Variants in ADAM10 observed in about 807,000 individuals in gnomAD.
ADAM10 encodes the protein ADAM metallopeptidase domain 10, also known as disintegrin and metalloproteinase domain-containing protein 10.
A neutral mutation model predicts 90.1 loss-of-function variants in ADAM10; 17 were observed. That is an observed-to-expected ratio of 0.19 (90% CI 0.13 to 0.28). ADAM10 has a LOEUF of 0.28. Among genes scored for constraint, ADAM10 ranks in the 10% least tolerant of loss-of-function variants. ADAM10 has a pLI of 1.00. For missense variants in ADAM10, 610 were observed against 914.3 expected (o/e 0.67, Z 4.29); for synonymous variants, 310 against 298.6 (o/e 1.04, Z -0.40).
chr15:58,645,351 T>C (rs1425486424), intron 6 of ADAM10, among the ~76,000 whole-genome samples: 3 of 152,200 alleles, frequency 2.0e-5, no homozygotes, highest in Non-Finnish European at 2.9e-5. Context: ...ATTCACCATA[T>C]ACAGATAGCT....
At chr15:58,689,084 C>T (rs1325908179) in intron 2 of ADAM10, among the ~76,000 whole-genome samples, 1 of 151,890 alleles carries the variant, frequency 6.6e-6, no homozygotes, top group Non-Finnish European at 1.5e-5. Flanking sequence ...AAGAAAAACC[C>T]ACAAAACACA....
At chr15:58,627,025 A>G (rs1390942026) in intron 10 of ADAM10, among the ~76,000 whole-genome samples, 1 of 152,200 alleles carries the variant, frequency 6.6e-6, no homozygotes, top group Non-Finnish European at 1.5e-5. Context: ...CTTTATTCAC[A>G]TTAGCCCAAA....
chr15:58,614,722 C>T (rs1304099745), intron 11 of ADAM10, among the ~76,000 whole-genome samples: 1 of 152,106 alleles, frequency 6.6e-6, no homozygotes, highest in African/African-American at 2.4e-5. Flanking sequence ...CTAGACTGAC[C>T]CTACAAGAAA....
intron 5 of ADAM10, among the ~76,000 whole-genome samples, chr15:58,659,019 A>C (rs1213880961): frequency 1.3e-5 from 2 of 152,184 alleles, no homozygotes; most frequent in Non-Finnish European, 2.9e-5. Flanking sequence ...TCACACCTGT[A>C]ATCTCGGCAC....
intron 11 of ADAM10, among the ~76,000 whole-genome samples, chr15:58,615,999 C>A (rs535255645): frequency 2.0e-5 from 3 of 152,036 alleles, no homozygotes; most frequent in East Asian, 1.9e-4. Context: ...CAGAGCAAGA[C>A]CCTGTCTCCA....
chr15:58,736,435 A>G (rs768514234), intron 1 of ADAM10, among the ~76,000 whole-genome samples: 3 of 151,842 alleles, frequency 2.0e-5, no homozygotes, highest in Non-Finnish European at 4.4e-5. Flanking sequence ...TACAAAGCAT[A>G]TACTACAGTC....
intron 14 of ADAM10, among the ~76,000 whole-genome samples, chr15:58,606,116 C>T (rs1895266144): frequency 6.6e-6 from 1 of 152,200 alleles, no homozygotes; most frequent in African/African-American, 2.4e-5. Flanking sequence ...CAAATGCATT[C>T]TGGACTTCCC....
chr15:58,712,323 GA>G (rs1898500769), intron 2 of ADAM10, among the ~76,000 whole-genome samples: 1 of 151,072 alleles, frequency 6.6e-6, no homozygotes, highest in South Asian at 2.1e-4. Flanking sequence ...GAGGCCAAGG[GA>G]ACCTGGGCAA....
intron 5 of ADAM10, among the ~76,000 whole-genome samples, chr15:58,647,248 A>ATATTTTTTTTTTTTTTTTTTT (rs1896571611): frequency 1.7e-5 from 1 of 59,602 alleles, no homozygotes; most frequent in Non-Finnish European, 3.6e-5. Flanking sequence ...GACACTAAGT[A>ATATTTTTTTTTTTTTTTTTTT]TTTTTTTTTT....
intron 8 of ADAM10, among the ~76,000 whole-genome samples, chr15:58,635,423 C>T (rs2078489125): frequency 6.6e-6 from 1 of 151,852 alleles, no homozygotes. Context: ...TAGCTGGAGT[C>T]ACATGCAAAT....
chr15:58,600,543 A>C (rs1331394065), intron 14 of ADAM10, among the ~76,000 whole-genome samples: 1 of 152,158 alleles, frequency 6.6e-6, no homozygotes, highest in Non-Finnish European at 1.5e-5. Flanking sequence ...CTTTTTAAAT[A>C]TGAAAAGTGG....
At chr15:58,610,680 T>C in intron 13 of ADAM10, 163 bp from the exon 14 acceptor site, 1 of 732,906 alleles carries the variant, frequency 1.4e-6, no homozygotes, top group Non-Finnish European at 2.4e-6. Flanking sequence ...CCATCAGTAA[T>C]TCATATTAAA....
At chr15:58,645,911 T>C (rs941575917) in intron 6 of ADAM10, 144 bp downstream of exon 6, 5 of 823,336 alleles carry the variant, frequency 6.1e-6, no homozygotes, top group Non-Finnish European at 9.6e-6. Flanking sequence ...ATCCATGTAC[T>C]TATCTTACAC....
chr15:58,746,969 A>G (rs1272444499), intron 1 of ADAM10, among the ~76,000 whole-genome samples: 1 of 152,220 alleles, frequency 6.6e-6, no homozygotes, highest in African/African-American at 2.4e-5. Flanking sequence ...GCTCTGGTCA[A>G]GTTTCCAGAA....
chr15:58,627,536 G>A (rs572477375), intron 10 of ADAM10, among the ~76,000 whole-genome samples, 164 bp downstream of exon 10: 60 of 152,230 alleles, frequency 3.9e-4, no homozygotes, highest in African/African-American at 1.4e-3. Context: ...AACATGAATT[G>A]AGAGATGGCA....
chr15:58,670,301 A>G (rs1897165305), intron 4 of ADAM10, among the ~76,000 whole-genome samples: 1 of 152,140 alleles, frequency 6.6e-6, no homozygotes, highest in African/African-American at 2.4e-5. Context: ...TTATAGGTGT[A>G]AGAGTATAAA....
intron 14 of ADAM10, among the ~76,000 whole-genome samples, chr15:58,600,110 T>C (rs1895068504): frequency 7.3e-6 from 1 of 137,348 alleles, no homozygotes; most frequent in South Asian, 2.3e-4. Context: ...GCCTTTGTTT[T>C]TTCCCCTTAC....
At chr15:58,744,308 A>T (rs1323276531) in intron 1 of ADAM10, among the ~76,000 whole-genome samples, 2 of 152,242 alleles carry the variant, frequency 1.3e-5, no homozygotes, top group Non-Finnish European at 2.9e-5. Flanking sequence ...TTCATTCCAC[A>T]GAAGATTTAG....
chr15:58,722,466 T>G lies in ADAM10; in HGVS notation c.56-4739A>C, dbSNP rs575499611. Among the ~76,000 whole-genome samples, 170 of 149,690 alleles carry G rather than the reference T, an allele frequency of 1.1e-3. 3 individuals carry two copies. Among genetic ancestry groups the G allele is most frequent in the Non-Finnish European group, 4.7e-4 (32 of 67,380 alleles). ...AGGGAGTATCACTTAATCCCAAGAG[T>G]TCAAGGCCACAGTGAGCTATGATAA... On this transcript the variant is annotated intron_variant, in intron 1 of 15. Coordinates refer to ENST00000260408, the MANE Select transcript of ADAM10 (RefSeq NM_001110.4).
Sources: gnomAD v4.1 joint callset for allele counts (sites outside exome capture counted in the v4.1 genomes callset) on GRCh38, gnomAD v4.1.1 for gene constraint, MANE v1.5 for transcripts, NCBI Gene and HGNC (gene_info 2026-07-23, HGNC 2026-07-21) for gene names.